Variants in KHDC1 observed in about 807,000 individuals in gnomAD.
KHDC1 encodes KH homology domain-containing protein 1.
KHDC1 carries 21 observed loss-of-function variants against 24.7 expected under a neutral mutation model. The ratio of observed to expected loss-of-function variants is 0.85; its 90% CI spans 0.60 to 1.23. The LOEUF is 1.23. KHDC1 is among the 50% of genes most tolerant of loss of function. The probability of loss-of-function intolerance (pLI) is 0.00; values close to 1 mark genes in which losing one functional copy is unlikely to be tolerated. For synonymous variants in KHDC1, 98 were observed against 111.7 expected (o/e 0.88, Z 0.77); for missense variants, 274 against 298.5 (o/e 0.92, Z 0.61).
intron 1 of KHDC1, among the ~76,000 whole-genome samples, chr6:73,297,246 G>A (rs1227515205): frequency 6.6e-6 from 1 of 151,994 alleles, no homozygotes; most frequent in African/African-American, 2.4e-5. Context: ...CACACAGTTT[G>A]CACCTTTTTT....
Position 73,292,457 on chromosome 6 carries a change from G to T in KHDC1, c.164-417C>A, listed in dbSNP as rs193038773. The T allele has an allele frequency of 1.3e-4, 100 of 773,190 alleles. 3 individuals carry two copies. The African/African-American group carries it at 1.6e-3, about 13-fold the overall frequency. 47.9% of individuals were successfully genotyped at this position (773,190 alleles called of 1,614,324 possible). ...GGTTCCAGCAACAGACAGAAATGCTGTAAGTTCACTCTGGGGAAAGCTGGC... is the reference window on the plus strand; with the variant it reads ...GGTTCCAGCAACAGACAGAAATGCTTTAAGTTCACTCTGGGGAAAGCTGGC... On this transcript the variant is annotated intron_variant, in intron 1 of 4. Transcript: ENST00000370384.
chr6:73,245,605 C>A (rs982018559), intron 2 of KHDC1, among the ~76,000 whole-genome samples: 9 of 152,150 alleles, frequency 5.9e-5, no homozygotes, highest in African/African-American at 2.2e-4. Flanking sequence ...AAGTTCAAGT[C>A]TTGGAGAGCG....
chr6:73,298,493 T>C, intron 1 of KHDC1, among the ~76,000 whole-genome samples: 1 of 133,596 alleles, frequency 7.5e-6, no homozygotes. Flanking sequence ...TGGAGTGCAG[T>C]GTCGCAATCT....
At chr6:73,298,395 T>G (rs1328288244) in intron 1 of KHDC1, among the ~76,000 whole-genome samples, 2 of 151,084 alleles carry the variant, frequency 1.3e-5, no homozygotes. Flanking sequence ...ACTAAGCTGT[T>G]GCCCTGGAAG....
At chr6:73,246,262 A>G (rs531093109) in intron 2 of KHDC1, among the ~76,000 whole-genome samples, 1 of 152,328 alleles carries the variant, frequency 6.6e-6, no homozygotes, top group Admixed American at 6.5e-5. Context: ...TGAATGAAGG[A>G]GAACTATTCA....
rs142824032 is a variant in KHDC1 at position 73,267,127 on chromosome 6, G to A, written c.207-24597C>T. Among the ~76,000 whole-genome samples, 8 of 152,286 alleles carry A rather than the reference G, an allele frequency of 5.3e-5. No homozygotes were observed. The East Asian group carries it at 1.3e-3, about 26-fold the overall frequency. ...GATGTTCAACATCACTAGTCATTAG[G>A]GAAATGCAGATCAAAACCACAATGA... On this transcript the variant is annotated intron_variant, in intron 2 of 4. Transcript: ENST00000370384.
chr6:73,247,534 C>T (rs1381272759), intron 2 of KHDC1, among the ~76,000 whole-genome samples: 1 of 152,164 alleles, frequency 6.6e-6, no homozygotes, highest in African/African-American at 2.4e-5. Flanking sequence ...GAGCCCCTTT[C>T]TGTGCCCCAC....
chr6:73,294,942 C>T (rs1273536366), intron 1 of KHDC1, among the ~76,000 whole-genome samples: 1 of 152,036 alleles, frequency 6.6e-6, no homozygotes, highest in Non-Finnish European at 1.5e-5. Flanking sequence ...TTGCTTGAGT[C>T]CAGGAGTTAG....
chr6:73,252,575 C>T (rs1349232113), intron 2 of KHDC1, among the ~76,000 whole-genome samples: 2 of 151,842 alleles, frequency 1.3e-5, no homozygotes, highest in Non-Finnish European at 2.9e-5. Flanking sequence ...TTTGGGAGGC[C>T]AAGGCAGGCG....
intron 2 of KHDC1, among the ~76,000 whole-genome samples, chr6:73,265,078 TCA>T (rs1767056105): frequency 6.6e-6 from 1 of 152,182 alleles, no homozygotes; most frequent in African/African-American, 2.4e-5. Context: ...CAATAAAATG[TCA>T]CAGAACAAAT....
At chr6:73,255,808 T>G (rs1164525116) in intron 2 of KHDC1, among the ~76,000 whole-genome samples, 1 of 148,404 alleles carries the variant, frequency 6.7e-6, no homozygotes, top group Non-Finnish European at 1.5e-5. Flanking sequence ...AGGCTGAGAC[T>G]GGAGAATCGC....
At chr6:73,285,290 G>C (rs970743131) in intron 2 of KHDC1, among the ~76,000 whole-genome samples, 1 of 151,510 alleles carries the variant, frequency 6.6e-6, no homozygotes, top group East Asian at 1.9e-4. Flanking sequence ...GGTTGACTCT[G>C]CTGATTTGGC....
At chr6:73,287,037 A>G (rs929960687) in intron 2 of KHDC1, among the ~76,000 whole-genome samples, 7 of 152,230 alleles carry the variant, frequency 4.6e-5, no homozygotes, top group African/African-American at 1.7e-4. Context: ...AAATTGTAGC[A>G]AAAGGTAGAT....
intron 1 of KHDC1, among the ~76,000 whole-genome samples, chr6:73,308,403 G>A (rs183509518): frequency 2.6e-5 from 4 of 151,692 alleles, no homozygotes; most frequent in East Asian, 2.0e-4. Flanking sequence ...TAGAGATGGG[G>A]TTTCACTATG....
chr6:73,305,258 T>C (rs965468503), intron 1 of KHDC1, among the ~76,000 whole-genome samples: 1 of 151,750 alleles, frequency 6.6e-6, no homozygotes, highest in Non-Finnish European at 1.5e-5. Flanking sequence ...ATATATATAA[T>C]ATAAAAAATA....
chr6:73,262,067 GAGGCCCTTCTCAAA>G (rs1210740088), intron 2 of KHDC1, among the ~76,000 whole-genome samples: 2 of 151,682 alleles, frequency 1.3e-5, no homozygotes, highest in African/African-American at 4.8e-5. Flanking sequence ...CAGCAGGAAA[GAGGCCCTTCTCAAA>G]AAAAAAAAAG....
chr6:73,249,642 G>A (rs1007849523), intron 2 of KHDC1, among the ~76,000 whole-genome samples: 5 of 152,200 alleles, frequency 3.3e-5, no homozygotes, highest in Admixed American at 3.3e-4. Context: ...GGTGCTCTTA[G>A]CTTTGCCTGT....
At chr6:73,244,349 G>T (rs191587051) in intron 2 of KHDC1, among the ~76,000 whole-genome samples, 1 of 152,136 alleles carries the variant, frequency 6.6e-6, no homozygotes, top group African/African-American at 2.4e-5. Context: ...GTGAAGGCTG[G>T]GGAGTTACTG....
In KHDC1 at chr6:73,270,336, C is replaced by T. The variant is rs1039040629; in HGVS notation, c.206+21662G>A. The T allele has an allele frequency of 7.2e-5, 11 of 152,156 alleles. 1 individual carries two copies. The South Asian group carries it at 1.0e-3, about 14-fold the overall frequency. The allele number at this position is 152,156 out of a possible 1,614,324, so 9.4% of individuals were successfully genotyped here. On this transcript the variant is annotated intron_variant, in intron 2 of 4. Coordinates refer to ENST00000370384, the Ensembl canonical transcript of KHDC1. ...AGATAGGACTAAGCCTTTTTCATGC[C>T]TGTTTTTTGTAGAGTTTGTAGTTTA... is the stretch of plus-strand genomic sequence containing the variant.
Sources: allele counts gnomAD v4.1 joint callset (sites outside exome capture counted in the v4.1 genomes callset), GRCh38; gene constraint gnomAD v4.1.1; transcripts MANE v1.5; gene names NCBI Gene and HGNC (gene_info 2026-07-23, HGNC 2026-07-21).